CNTN3: variants seen among roughly 807,000 people sequenced by gnomAD.
CNTN3 encodes contactin 3.
In CNTN3, 60 loss-of-function variants were observed where a neutral mutation model predicts 119.1. The ratio of observed to expected loss-of-function variants is 0.50; its 90% CI spans 0.41 to 0.62. The LOEUF (loss-of-function observed/expected upper bound fraction) is 0.62, where lower values mean the gene tolerates loss of function less well. Among genes scored for constraint, CNTN3 ranks in the 20% least tolerant of loss-of-function variants. The pLI is 0.00. For missense variants in CNTN3, 1,101 were observed against 1,242.4 expected, an observed-to-expected ratio of 0.89 and a Z score of 1.71; for synonymous variants, 450 against 438.7, an observed-to-expected ratio of 1.03 and a Z score of -0.32.
intron 4 of CNTN3, among the ~76,000 whole-genome samples, chr3:74,477,620 T>C (rs1702682524): frequency 6.6e-6 from 1 of 151,970 alleles, no homozygotes; most frequent in African/African-American, 2.4e-5. Flanking sequence ...GTGGAGATGG[T>C]TAATGGGTAA....
At chr3:74,508,455 T>C (rs367802236) in intron 2 of CNTN3, among the ~76,000 whole-genome samples, 1 of 152,164 alleles carries the variant, frequency 6.6e-6, no homozygotes, top group East Asian at 1.9e-4. Context: ...TTGGGGTATG[T>C]CTTAGAGTTG....
At chr3:74,432,648 A>G (rs112575826) in intron 4 of CNTN3, among the ~76,000 whole-genome samples, 107 of 152,346 alleles carry the variant, frequency 7.0e-4, no homozygotes, top group Middle Eastern at 3.4e-3. Flanking sequence ...CTTATGGCAC[A>G]TGCAGAAGCA....
intron 13 of CNTN3, among the ~76,000 whole-genome samples, chr3:74,329,527 G>T (rs1013737131): frequency 6.6e-6 from 1 of 152,150 alleles, no homozygotes; most frequent in African/African-American, 2.4e-5. Flanking sequence ...GTTTCTCTCT[G>T]TAGGGAGCCT....
intron 3 of CNTN3, among the ~76,000 whole-genome samples, chr3:74,495,685 T>C (rs946935516): frequency 1.3e-5 from 2 of 152,038 alleles, no homozygotes; most frequent in African/African-American, 4.8e-5. Context: ...TAGTTGACTA[T>C]CAGTAAATTA....
intron 1 of CNTN3, among the ~76,000 whole-genome samples, chr3:74,582,488 G>C (rs1339758049): frequency 1.3e-5 from 2 of 151,872 alleles, no homozygotes; most frequent in Non-Finnish European, 2.9e-5. Flanking sequence ...GAAGAATATA[G>C]GTAAATAAAT....
At chr3:74,371,023 T>C (rs981772256) in intron 6 of CNTN3, among the ~76,000 whole-genome samples, 173 bp downstream of exon 6, 1 of 152,168 alleles carries the variant, frequency 6.6e-6, no homozygotes, top group African/African-American at 2.4e-5. Context: ...GAATTATGCA[T>C]AAGGACTATG....
intron 19 of CNTN3, among the ~76,000 whole-genome samples, chr3:74,289,343 C>T (rs1359078598): frequency 6.6e-6 from 1 of 152,130 alleles, no homozygotes; most frequent in Non-Finnish European, 1.5e-5. Flanking sequence ...TACATTTGGA[C>T]ATTCTATTTG....
intron 13 of CNTN3, among the ~76,000 whole-genome samples, chr3:74,322,820 G>C (rs1703028611): frequency 6.6e-6 from 1 of 152,162 alleles, no homozygotes; most frequent in Admixed American, 6.6e-5. Flanking sequence ...ACTAAAATGA[G>C]CTGAGATATC....
chr3:74,315,010 G>C (rs555618317), intron 13 of CNTN3, among the ~76,000 whole-genome samples: 2 of 152,298 alleles, frequency 1.3e-5, no homozygotes, highest in South Asian at 4.1e-4. Flanking sequence ...AAACAAAAAT[G>C]TAGTAAAGAA....
intron 4 of CNTN3, among the ~76,000 whole-genome samples, chr3:74,445,987 T>C (rs113085721): frequency 6.9e-4 from 105 of 152,288 alleles, no homozygotes; most frequent in African/African-American, 2.4e-3. Flanking sequence ...GTCACAACCA[T>C]ACATGATAGC....
At chr3:74,318,490 G>A (rs1217394530) in intron 13 of CNTN3, among the ~76,000 whole-genome samples, 1 of 152,126 alleles carries the variant, frequency 6.6e-6, no homozygotes, top group Non-Finnish European at 1.5e-5. Flanking sequence ...CGTCTTTGAT[G>A]ATGGTCACGT....
intron 4 of CNTN3, among the ~76,000 whole-genome samples, chr3:74,453,488 T>G (rs1448788568): frequency 6.6e-6 from 1 of 152,248 alleles, no homozygotes; most frequent in Non-Finnish European, 1.5e-5. Flanking sequence ...ATTCATTTTT[T>G]GAAGGGTTTT....
At chr3:74,535,860 C>A (rs1303364673) in intron 1 of CNTN3, among the ~76,000 whole-genome samples, 1 of 152,090 alleles carries the variant, frequency 6.6e-6, no homozygotes, top group Non-Finnish European at 1.5e-5. Flanking sequence ...CCAAATATAT[C>A]TGCAACTCAG....
chr3:74,454,939 C>A (rs1252619447), intron 4 of CNTN3, among the ~76,000 whole-genome samples: 2 of 152,150 alleles, frequency 1.3e-5, no homozygotes, highest in African/African-American at 2.4e-5. Flanking sequence ...CTGCCCTTAA[C>A]ATTTTTTCCT....
intron 1 of CNTN3, among the ~76,000 whole-genome samples, chr3:74,605,605 A>C (rs1414192481): frequency 6.6e-6 from 1 of 152,088 alleles, no homozygotes; most frequent in Non-Finnish European, 1.5e-5. Context: ...CTGATAGCTT[A>C]ATTGGGACTG....
intron 4 of CNTN3, among the ~76,000 whole-genome samples, chr3:74,471,548 T>C (rs960340698): frequency 3.3e-5 from 5 of 152,170 alleles, no homozygotes; most frequent in African/African-American, 4.8e-5. Context: ...TAGCGTTATC[T>C]TATACATCAA....
chr3:74,412,158 AT>A (rs1701448500), intron 5 of CNTN3, among the ~76,000 whole-genome samples: 2 of 152,154 alleles, frequency 1.3e-5, no homozygotes, highest in African/African-American at 4.8e-5. Flanking sequence ...GATCTTTCAA[AT>A]TCACCTTCTT....
At chr3:74,495,486 T>C (rs1703044743) in intron 3 of CNTN3, among the ~76,000 whole-genome samples, 1 of 152,000 alleles carries the variant, frequency 6.6e-6, no homozygotes, top group South Asian at 2.1e-4. Flanking sequence ...AGTGTGTGTA[T>C]ATATACATAT....
intron 11 of CNTN3, among the ~76,000 whole-genome samples, chr3:74,340,317 G>C (rs1703503937): frequency 1.3e-5 from 2 of 152,072 alleles, no homozygotes; most frequent in Non-Finnish European, 2.9e-5. Flanking sequence ...AGAGAATTTA[G>C]AAATGCCTTT....
Sources: allele counts gnomAD v4.1 joint callset (sites outside exome capture counted in the v4.1 genomes callset), GRCh38; gene constraint gnomAD v4.1.1; transcripts MANE v1.5; gene names NCBI Gene and HGNC (gene_info 2026-07-23, HGNC 2026-07-21).